Variants in ITFG1 observed in about 807,000 individuals in gnomAD.
The protein encoded by ITFG1 is T-cell immunomodulatory protein.
ITFG1 carries 34 observed loss-of-function variants against 81.8 expected under a neutral mutation model. The ratio of observed to expected loss-of-function variants is 0.42; its 90% confidence interval spans 0.32 to 0.55. ITFG1 has a LOEUF of 0.55. Ranked by LOEUF, ITFG1 falls within the 20% of genes least tolerant of loss-of-function variation. The pLI, the probability that ITFG1 is intolerant of heterozygous loss-of-function variation, is 0.17. For synonymous variants in ITFG1, 285 were observed against 270.6 expected, an observed-to-expected ratio of 1.05 and a Z score of -0.52; for missense variants, 672 against 755.4, an observed-to-expected ratio of 0.89 and a Z score of 1.29.
intron 7 of ITFG1, among the ~76,000 whole-genome samples, chr16:47,370,404 G>A (rs1313087284): frequency 2.6e-5 from 4 of 152,144 alleles, no homozygotes; most frequent in East Asian, 3.8e-4. Flanking sequence ...CCAGCCACAC[G>A]TGGGGATTCC....
chr16:47,320,414 C>G (rs755544054), intron 8 of ITFG1, among the ~76,000 whole-genome samples: 1 of 152,094 alleles, frequency 6.6e-6, no homozygotes, highest in Non-Finnish European at 1.5e-5. Flanking sequence ...CTGTTTTGTT[C>G]TAGTACTTTG....
intron 10 of ITFG1, among the ~76,000 whole-genome samples, chr16:47,265,618 A>C (rs1245814646): frequency 6.6e-6 from 1 of 152,194 alleles, no homozygotes; most frequent in Non-Finnish European, 1.5e-5. Flanking sequence ...ATGTATAAAC[A>C]CTACAGTATT....
chr16:47,441,069 G>A (rs1371504130), intron 5 of ITFG1, among the ~76,000 whole-genome samples: 1 of 152,114 alleles, frequency 6.6e-6, no homozygotes, highest in African/African-American at 2.4e-5. Context: ...AAATAAACTA[G>A]AAAATCTAGA....
intron 14 of ITFG1, among the ~76,000 whole-genome samples, chr16:47,167,054 C>T (rs1396547288): frequency 6.6e-6 from 1 of 152,160 alleles, no homozygotes; most frequent in Non-Finnish European, 1.5e-5. Context: ...TATCAATTCT[C>T]TCTTGTTTGC....
chr16:47,352,330 C>G (rs887224388), intron 8 of ITFG1, among the ~76,000 whole-genome samples: 1 of 151,888 alleles, frequency 6.6e-6, no homozygotes, highest in Admixed American at 6.6e-5. Context: ...GGTAATATCC[C>G]AAATCTACAA....
chr16:47,410,861 A>T (rs1168719127), intron 6 of ITFG1, among the ~76,000 whole-genome samples: 1 of 152,164 alleles, frequency 6.6e-6, no homozygotes, highest in East Asian at 1.9e-4. Flanking sequence ...AAACATAGCA[A>T]TGGGGACCCA....
At chr16:47,404,697 G>A (rs1372547603) in intron 6 of ITFG1, among the ~76,000 whole-genome samples, 1 of 151,920 alleles carries the variant, frequency 6.6e-6, no homozygotes, top group Non-Finnish European at 1.5e-5. Context: ...TTACCTAAAT[G>A]TTATCACTTT....
At chr16:47,315,778 T>TATATATATATATATATATATATATAC (rs1303718198) in intron 8 of ITFG1, among the ~76,000 whole-genome samples, 51 of 151,208 alleles carry the variant, frequency 3.4e-4, no homozygotes, top group African/African-American at 8.8e-4. Context: ...CATATATATA[T>TATATATATATATATATATATATATAC]ACACATATAT....
intron 8 of ITFG1, among the ~76,000 whole-genome samples, chr16:47,352,871 T>C (rs1047587232): frequency 2.6e-5 from 4 of 152,128 alleles, no homozygotes; most frequent in Non-Finnish European, 5.9e-5. Context: ...TGGAATACTA[T>C]GCAGCCATAA....
At chr16:47,392,786 G>T (rs914541442) in intron 6 of ITFG1, among the ~76,000 whole-genome samples, 2 of 152,130 alleles carry the variant, frequency 1.3e-5, no homozygotes, top group African/African-American at 4.8e-5. Context: ...CTTCTTTGAG[G>T]TGCTCTCATG....
chr16:47,356,451 C>T (rs2151583704), intron 8 of ITFG1, among the ~76,000 whole-genome samples: 1 of 152,156 alleles, frequency 6.6e-6, no homozygotes, highest in East Asian at 1.9e-4. Flanking sequence ...AAGTTAAATA[C>T]AGAGAATGTC....
At chr16:47,183,419 G>C (rs890166746) in intron 14 of ITFG1, among the ~76,000 whole-genome samples, 1 of 152,156 alleles carries the variant, frequency 6.6e-6, no homozygotes, top group Non-Finnish European at 1.5e-5. Context: ...CTCCCAGCAC[G>C]CAGCTGGAGA....
chr16:47,331,423 C>T (rs888709361), intron 8 of ITFG1, among the ~76,000 whole-genome samples: 1 of 152,096 alleles, frequency 6.6e-6, no homozygotes, highest in African/African-American at 2.4e-5. Flanking sequence ...CAGATCTCAG[C>T]ATCATGCAAA....
At chr16:47,372,531 G>C (rs1028154873) in intron 7 of ITFG1, among the ~76,000 whole-genome samples, 2 of 150,736 alleles carry the variant, frequency 1.3e-5, no homozygotes, top group African/African-American at 4.9e-5. Context: ...TGATCTCACT[G>C]CAACCTCTGC....
intron 10 of ITFG1, among the ~76,000 whole-genome samples, chr16:47,288,143 A>C (rs1966877374): frequency 6.6e-6 from 1 of 152,002 alleles, no homozygotes; most frequent in African/African-American, 2.4e-5. Flanking sequence ...CAACTATTCT[A>C]CTCTCTACTT....
intron 12 of ITFG1, among the ~76,000 whole-genome samples, chr16:47,246,091 C>T (rs1475720135): frequency 1.3e-5 from 2 of 152,184 alleles, no homozygotes; most frequent in Non-Finnish European, 2.9e-5. Context: ...TAATATATCA[C>T]ATAATCACAT....
chr16:47,383,734 G>A (rs1238960660), intron 6 of ITFG1, among the ~76,000 whole-genome samples: 4 of 152,258 alleles, frequency 2.6e-5, no homozygotes, highest in East Asian at 1.9e-4. Flanking sequence ...GTGAAATCCC[G>A]TCTCTACTAA....
At chr16:47,444,677 C>T (rs886294400) in intron 5 of ITFG1, among the ~76,000 whole-genome samples, 1 of 152,006 alleles carries the variant, frequency 6.6e-6, no homozygotes, top group African/African-American at 2.4e-5. Context: ...ATAAAATATG[C>T]TACATTATAG....
chr16:47,386,202 T>C (rs948619055), intron 6 of ITFG1, among the ~76,000 whole-genome samples: 1 of 152,174 alleles, frequency 6.6e-6, no homozygotes, highest in African/African-American at 2.4e-5. Flanking sequence ...TTACAGTCTC[T>C]GGAAATTGTT....
Sources: allele counts gnomAD v4.1 joint callset (sites outside exome capture counted in the v4.1 genomes callset), GRCh38; gene constraint gnomAD v4.1.1; transcripts MANE v1.5; gene names NCBI Gene and HGNC (gene_info 2026-07-23, HGNC 2026-07-21).